UPP2: variants seen among roughly 807,000 people sequenced by gnomAD.
The protein encoded by UPP2 is UPase 2.
In UPP2, 23 loss-of-function variants were observed where a neutral mutation model predicts 26.7. That is an observed-to-expected ratio of 0.86 (90% CI 0.62 to 1.22). UPP2 has a LOEUF of 1.22. Among genes scored for constraint, UPP2 ranks in the 50% most tolerant of loss-of-function variants. The probability of loss-of-function intolerance (pLI) is 0.00; values close to 1 mark genes in which losing one functional copy is unlikely to be tolerated. For synonymous variants in UPP2, 127 were observed against 141.3 expected, an observed-to-expected ratio of 0.90 and a Z score of 0.72; for missense variants, 387 against 396.7, an observed-to-expected ratio of 0.98 and a Z score of 0.21.
At chr2:158,097,907 T>C (rs1683012868), upstream of UPP2, among the ~76,000 whole-genome samples, 1 of 152,188 alleles carries the variant, frequency 6.6e-6, no homozygotes, top group Admixed American at 6.5e-5. Context: ...CTTTTCTGTA[T>C]ACATGGCCTT....
intron 3 of UPP2, among the ~76,000 whole-genome samples, chr2:158,095,144 G>A (rs77567807): frequency 0.01 from 1,561 of 152,262 alleles, 29 homozygotes; most frequent in African/African-American, 0.035. Context: ...TGCTATTTGG[G>A]TAAAATCATA....
intron 3 of UPP2, among the ~76,000 whole-genome samples, chr2:158,086,616 G>A (rs1249455914): frequency 6.6e-6 from 1 of 152,026 alleles, no homozygotes; most frequent in Non-Finnish European, 1.5e-5. Flanking sequence ...ATGTTTTGAT[G>A]TAGATATTTA....
At chr2:158,115,304 G>GA in intron 3 of UPP2, 45 bp downstream of exon 3, 1 of 1,510,710 alleles carries the variant, frequency 6.6e-7, no homozygotes, top group Non-Finnish European at 8.9e-7. Context: ...GCAGGCTAGA[G>GA]AAAAAAGTGG....
intron 3 of UPP2, among the ~76,000 whole-genome samples, chr2:158,081,092 AC>A (rs1682716674): frequency 6.6e-6 from 1 of 152,198 alleles, no homozygotes. Context: ...ATCAAGTGTT[AC>A]CAGGAAAATA....
intron 3 of UPP2, among the ~76,000 whole-genome samples, chr2:158,034,793 G>A (rs573621627): frequency 5.3e-5 from 8 of 152,180 alleles, no homozygotes; most frequent in South Asian, 2.1e-4. Flanking sequence ...CAGCTTGTTC[G>A]AACTAGCCTT....
intron 3 of UPP2, among the ~76,000 whole-genome samples, chr2:158,096,129 G>A (rs1000329224): frequency 7.2e-5 from 11 of 152,198 alleles, no homozygotes; most frequent in African/African-American, 2.4e-4. Context: ...AGGCTCTGGT[G>A]TTGGCTTAAG....
chr2:158,083,889 C>T (rs6729821), intron 3 of UPP2, among the ~76,000 whole-genome samples: 11 of 144,248 alleles, frequency 7.6e-5, no homozygotes, highest in African/African-American at 2.7e-4. Flanking sequence ...ATATATCTCA[C>T]AAGTTCTTTA....
chr2:158,039,891 C>A (rs1574258614), intron 3 of UPP2, among the ~76,000 whole-genome samples: 2 of 152,290 alleles, frequency 1.3e-5, no homozygotes, highest in African/African-American at 4.8e-5. Flanking sequence ...GACTGAGGCC[C>A]CAGGGGAGGG....
chr2:158,035,854 CCT>C lies in UPP2; in HGVS notation c.147+19971_147+19972del, dbSNP rs757364819. On this transcript the variant is annotated intron_variant, in intron 3 of 9. Coordinates refer to the UPP2 transcript ENST00000605860. ...ATACACAAGGGTTGAAACCAGTTTT[CCT>C]CTGTTAAACAGCTGTCATCCTTACA... Among the ~76,000 whole-genome samples, 70 of 152,316 alleles carry C rather than the reference CCT, an allele frequency of 4.6e-4. 1 individual carries two copies. The highest frequency in any genetic ancestry group is 2.0e-3 in the Admixed American group (31 of 15,298).
At position 158,066,033 on chromosome 2, in the gene UPP2, T is replaced by A. The variant is rs190322946; in HGVS notation, c.148-36007T>A. ...AAAGATGTGGCTGCACTTCAAAGAC[T>A]CCAGTGGTCATAGATACAACTGTTG... On this transcript the variant is annotated intron_variant, in intron 3 of 9. Coordinates refer to the UPP2 transcript ENST00000605860. 9 of 327,366 alleles carry A rather than the reference T, an allele frequency of 2.7e-5. No individual in the cohort carries two copies. In the East Asian group the frequency reaches 7.2e-4, roughly 26 times the overall value. 20.3% of individuals were successfully genotyped at this position (327,366 alleles called of 1,614,324 possible).
intron 3 of UPP2, among the ~76,000 whole-genome samples, chr2:158,019,258 G>A (rs1318676062): frequency 6.6e-6 from 1 of 152,204 alleles, no homozygotes; most frequent in African/African-American, 2.4e-5. Flanking sequence ...CCAAGATGGA[G>A]TCACTTTTGT....
At chr2:158,048,443 CA>C (rs1682084673) in intron 3 of UPP2, among the ~76,000 whole-genome samples, 1 of 152,052 alleles carries the variant, frequency 6.6e-6, no homozygotes, top group African/African-American at 2.4e-5. Context: ...CCATCTCTAC[CA>C]AAAAATAAAA....
chr2:158,033,776 T>G (rs1231801196), intron 3 of UPP2, among the ~76,000 whole-genome samples: 1 of 152,216 alleles, frequency 6.6e-6, no homozygotes, highest in Non-Finnish European at 1.5e-5. Flanking sequence ...TTAGGAGAGA[T>G]TCACTGGACT....
intron 3 of UPP2, among the ~76,000 whole-genome samples, chr2:158,074,850 G>A (rs1682605876): frequency 6.9e-6 from 1 of 145,844 alleles, no homozygotes; most frequent in Middle Eastern, 3.5e-3. Flanking sequence ...TTTTTTAAAA[G>A]ACCAATTGAC....
chr2:158,077,513 G>A (rs546571586), intron 3 of UPP2, among the ~76,000 whole-genome samples: 310 of 152,098 alleles, frequency 2.0e-3, no homozygotes, highest in African/African-American at 4.7e-3. Context: ...ACTCATTTTC[G>A]ACAAAGGTGC....
upstream of UPP2, among the ~76,000 whole-genome samples, chr2:158,097,400 G>C (rs1314447991): frequency 6.6e-6 from 1 of 152,060 alleles, no homozygotes; most frequent in Non-Finnish European, 1.5e-5. Context: ...TATATAGAGA[G>C]AGTGTGTATA....
intron 6 of UPP2, among the ~76,000 whole-genome samples, chr2:158,132,369 CT>C (rs1164223964): frequency 2.0e-5 from 3 of 152,166 alleles, no homozygotes; most frequent in African/African-American, 4.8e-5. Flanking sequence ...GTAGAGAACT[CT>C]TCTCTCATCA....
intron 2 of UPP2, among the ~76,000 whole-genome samples, chr2:158,108,925 TG>T (rs1222386248): frequency 2.6e-5 from 4 of 151,082 alleles, no homozygotes; most frequent in African/African-American, 7.3e-5. Context: ...TGTGTGTGTG[TG>T]TGTGTGTTTG....
intron 6 of UPP2, among the ~76,000 whole-genome samples, chr2:158,130,121 G>T (rs1187540112): frequency 6.6e-6 from 1 of 152,008 alleles, no homozygotes. Flanking sequence ...GGCCACCCAG[G>T]AGTACAATAC....
Sources: gnomAD v4.1 joint callset for allele counts (sites outside exome capture counted in the v4.1 genomes callset) on GRCh38, gnomAD v4.1.1 for gene constraint, MANE v1.5 for transcripts, NCBI Gene and HGNC (gene_info 2026-07-23, HGNC 2026-07-21) for gene names.